The following CADPS2 variants were observed in gnomAD, a reference collection of about 807,000 sequenced individuals.
CADPS2 encodes the protein calcium-dependent secretion activator 2.
In CADPS2, 93 loss-of-function variants were observed where a neutral mutation model predicts 172.5. That is an observed-to-expected ratio of 0.54 (90% CI 0.46 to 0.64). CADPS2 has a LOEUF of 0.64. Among genes scored for constraint, CADPS2 ranks in the 30% least tolerant of loss-of-function variants. The pLI is 0.00. For missense variants in CADPS2, 1,420 were observed against 1,565.9 expected (o/e 0.91, Z 1.57); for synonymous variants, 546 against 555.2 (o/e 0.98, Z 0.23).
At chr7:122,469,266 T>G (rs1287520794) in intron 14 of CADPS2, among the ~76,000 whole-genome samples, 1 of 152,172 alleles carries the variant, frequency 6.6e-6, no homozygotes, top group Non-Finnish European at 1.5e-5. Flanking sequence ...CCACCTTAGG[T>G]TCCCAATTTA....
chr7:122,575,216 G>C (rs1331920589), intron 7 of CADPS2, among the ~76,000 whole-genome samples: 3 of 151,550 alleles, frequency 2.0e-5, no homozygotes, highest in Non-Finnish European at 4.4e-5. Context: ...AAATAAAGGA[G>C]ACTGAAGAGC....
At chr7:122,817,147 T>C (rs1453470961) in intron 1 of CADPS2, among the ~76,000 whole-genome samples, 1 of 152,206 alleles carries the variant, frequency 6.6e-6, no homozygotes, top group African/African-American at 2.4e-5. Flanking sequence ...CAAAGCCTGT[T>C]TGGTGGTCTC....
chr7:122,443,253 A>G (rs1021596287), intron 15 of CADPS2, among the ~76,000 whole-genome samples: 1 of 152,236 alleles, frequency 6.6e-6, no homozygotes, highest in East Asian at 1.9e-4. Flanking sequence ...CAACACATTT[A>G]CGGAGTACAA....
At position 122,554,644 on chromosome 7, in the gene CADPS2, G is replaced by A. The variant is rs1399107380; in HGVS notation, c.1381C>T (p.His461Tyr). 1 of 1,610,842 alleles carries A rather than the reference G, an allele frequency of 6.2e-7. No homozygotes were observed. Among genetic ancestry groups the A allele is most frequent in the Admixed American group, 1.7e-5 (1 of 59,606 alleles). Reference sequence around the variant, plus strand: ...CTATTTTTTGGAACTACCATTCGGTGTAATTCAGCTGATTTGGAGCTATTA... The same window carrying A: ...CTATTTTTTGGAACTACCATTCGGTATAATTCAGCTGATTTGGAGCTATTA... ...TSNSSKSAEL[H>Y]RMVVPKNSQD... The change falls in exon 8 of 30, where the codon CAC (histidine) becomes TAC (tyrosine). Residue 461 changes from histidine (H) to tyrosine (Y), a missense_variant. His to Tyr is a moderately conservative substitution (Grantham distance 83). Coordinates refer to ENST00000449022, the MANE Select transcript of CADPS2 (RefSeq NM_017954.11).
At chr7:122,695,207 G>A (rs2084917917) in intron 2 of CADPS2, among the ~76,000 whole-genome samples, 1 of 152,190 alleles carries the variant, frequency 6.6e-6, no homozygotes, top group South Asian at 2.1e-4. Context: ...CACCCGATAA[G>A]AGTTGAAATG....
intron 2 of CADPS2, among the ~76,000 whole-genome samples, chr7:122,720,877 G>C (rs980513135): frequency 1.3e-5 from 2 of 151,686 alleles, no homozygotes; most frequent in Admixed American, 6.6e-5. Flanking sequence ...GTATTTTTTT[G>C]TACATCAAAA....
chr7:122,709,720 T>C (rs1267230461), intron 2 of CADPS2, among the ~76,000 whole-genome samples: 1 of 152,032 alleles, frequency 6.6e-6, no homozygotes, highest in African/African-American at 2.4e-5. Context: ...TGGAACACTA[T>C]GCAGCCATAA....
At chr7:122,442,829 T>TA (rs2051543908) in intron 15 of CADPS2, among the ~76,000 whole-genome samples, 1 of 152,176 alleles carries the variant, frequency 6.6e-6, no homozygotes, top group Admixed American at 6.6e-5. Flanking sequence ...TATTTACTGC[T>TA]AAAAATGTCC....
intron 2 of CADPS2, among the ~76,000 whole-genome samples, chr7:122,679,264 C>T (rs1365756754): frequency 2.0e-4 from 3 of 14,734 alleles, no homozygotes; most frequent in Non-Finnish European, 5.6e-4. Context: ...GAATGCATTC[C>T]TGGGGGGGGG....
intron 3 of CADPS2, among the ~76,000 whole-genome samples, chr7:122,658,603 G>C (rs1315642419): frequency 6.6e-6 from 1 of 152,164 alleles, no homozygotes; most frequent in Non-Finnish European, 1.5e-5. Context: ...GATGAAGCTG[G>C]AAACCATCAT....
At chr7:122,327,899 T>A (rs188239631) in intron 28 of CADPS2, among the ~76,000 whole-genome samples, 5 of 151,974 alleles carry the variant, frequency 3.3e-5, no homozygotes, top group African/African-American at 9.6e-5. Flanking sequence ...AATTGTTCTA[T>A]CAGCAAAAGC....
intron 8 of CADPS2, among the ~76,000 whole-genome samples, chr7:122,531,158 T>G (rs1331427205): frequency 6.6e-6 from 1 of 152,224 alleles, no homozygotes; most frequent in Non-Finnish European, 1.5e-5. Context: ...ATTATATTCT[T>G]TGTGATTACT....
At chr7:122,834,215 G>A (rs1352607977) in intron 1 of CADPS2, among the ~76,000 whole-genome samples, 1 of 152,118 alleles carries the variant, frequency 6.6e-6, no homozygotes, top group Non-Finnish European at 1.5e-5. Context: ...AACTTCAATG[G>A]AAAATAACTA....
intron 1 of CADPS2, among the ~76,000 whole-genome samples, chr7:122,839,228 G>A (rs1204846338): frequency 6.6e-6 from 1 of 152,180 alleles, no homozygotes; most frequent in Non-Finnish European, 1.5e-5. Flanking sequence ...CTAGCCTTAT[G>A]TAGACAGCTG....
At chr7:122,510,291 C>T (rs953014802) in intron 9 of CADPS2, among the ~76,000 whole-genome samples, 4 of 152,156 alleles carry the variant, frequency 2.6e-5, no homozygotes, top group East Asian at 3.9e-4. Flanking sequence ...TCTTAGAAAG[C>T]ATTAAATTCT....
intron 2 of CADPS2, among the ~76,000 whole-genome samples, chr7:122,709,275 A>G (rs2088220500): frequency 6.6e-6 from 1 of 152,168 alleles, no homozygotes; most frequent in Non-Finnish European, 1.5e-5. Context: ...TCAAAAGAAG[A>G]CATTTATGCA....
intron 9 of CADPS2, among the ~76,000 whole-genome samples, chr7:122,500,811 G>A (rs997688902): frequency 1.3e-5 from 2 of 152,146 alleles, no homozygotes; most frequent in South Asian, 2.1e-4. Flanking sequence ...TCTGACTTAT[G>A]TAAGTGGCAA....
rs1181055814 is a variant in CADPS2 at position 122,513,312 on chromosome 7, A to G, written c.1479T>C (p.Tyr493=). ...AAACCTTCTGTCCAAGGGCATACAGATATCTGGAAAGAAAAACAAAAGCCA... is the reference window on the plus strand; with the variant it reads ...AAACCTTCTGTCCAAGGGCATACAGGTATCTGGAAAGAAAAACAAAAGCCA... The part of the protein sequence containing the change: ...DKPAHMKHSG[Y]LYALGQKVWK... Residue 493 remains tyrosine, a synonymous_variant, in exon 9 of 30, where the codon TAT becomes TAC. Transcript: ENST00000449022. 2 of 1,556,106 alleles carry G rather than the reference A, an allele frequency of 1.3e-6. No homozygotes were observed. The highest frequency in any genetic ancestry group is 1.4e-5 in the African/African-American group (1 of 73,398).
At chr7:122,716,184 G>A (rs1588686746) in intron 2 of CADPS2, among the ~76,000 whole-genome samples, 1 of 152,088 alleles carries the variant, frequency 6.6e-6, no homozygotes, top group South Asian at 2.1e-4. Context: ...TGAAGTAATG[G>A]AAGTCTATGC....
Sources: allele counts gnomAD v4.1 joint callset (sites outside exome capture counted in the v4.1 genomes callset), GRCh38; gene constraint gnomAD v4.1.1; transcripts MANE v1.5; gene names NCBI Gene and HGNC (gene_info 2026-07-23, HGNC 2026-07-21).